The following SPTA1 variants were observed in gnomAD, a reference collection of about 807,000 sequenced individuals.
SPTA1 encodes spectrin alpha chain, erythrocytic 1.
A neutral mutation model predicts 324.7 loss-of-function variants in SPTA1; 177 were observed. The observed-to-expected ratio is 0.55, with a 90% CI of 0.48 to 0.62. SPTA1 has a LOEUF of 0.62. Ranked by LOEUF, SPTA1 falls within the 20% of genes least tolerant of loss-of-function variation. SPTA1 has a pLI of 0.00. For synonymous variants in SPTA1, 1,195 were observed against 1,041.3 expected (o/e 1.15, Z -2.84); for missense variants, 3,162 against 2,883.6 (o/e 1.10, Z -2.21).
rs184713193 is a variant in SPTA1, at chr1:158,684,434, T to C, written c.264+674A>G. Among the ~76,000 whole-genome samples the C allele has an allele frequency of 2.6e-5, 4 of 152,264 alleles. No individual in the cohort carries two copies. In the East Asian group the frequency reaches 5.8e-4, roughly 22 times the overall value. Reference sequence around the variant, plus strand: ...AAAATATCAAAAATCACATGGTTTGTCAGAAATTTCTTGAATTTGCAGTTG... The same window carrying C: ...AAAATATCAAAAATCACATGGTTTGCCAGAAATTTCTTGAATTTGCAGTTG... On this transcript the variant is annotated intron_variant, in intron 2 of 51. Transcript: ENST00000643759.
In SPTA1 at chr1:158,676,258, A is replaced by T. The variant is rs775425801; in HGVS notation, c.995T>A (p.Leu332His). The change falls in exon 8 of 52, where the codon CTT becomes CAT. Residue 332 changes from leucine (L) to histidine (H), a missense_variant. Leu to His is a moderately conservative substitution (Grantham distance 99). Transcript: ENST00000643759. ...ELCAKAEKLTLSHPSDAPQIQ... is the reference protein window; with the variant it reads ...ELCAKAEKLTHSHPSDAPQIQ... ...CTGAGGTGCATCTGAAGGATGGGAA[A>T]GTGTCAGCTTCTCTGCTTTAGCACA... 6 of 1,613,788 alleles carry T rather than the reference A, an allele frequency of 3.7e-6. No individual in the cohort carries two copies. The highest frequency in any genetic ancestry group is 2.2e-5 in the South Asian group (2 of 91,070).
At chr1:158,642,306 T>C (rs1651657133) in intron 33 of SPTA1, 105 bp downstream of exon 33, 2 of 1,219,056 alleles carry the variant, frequency 1.6e-6, no homozygotes, top group African/African-American at 1.6e-5. Context: ...ACTTAAAGTA[T>C]AATAATAATA....
Position 158,647,703 on chromosome 1 carries a change from C to T in SPTA1, c.3732G>A (p.Glu1244=), listed in dbSNP as rs371537374. ...PLGDKVTILG[E]TAERLSESHP... ...GGGACTCACTGAGCCGCTCTGCTGT[C>T]TCCCCCAGTATGGTCACCTGGGGAG... is the stretch of plus-strand genomic sequence containing the variant. Residue 1244 remains glutamate, a synonymous_variant, in exon 27 of 52, where the codon GAG becomes GAA. Transcript: ENST00000643759. 6.2e-7 allele frequency: 1 copy of T among 1,613,912 alleles called. No homozygotes were observed. The highest frequency in any genetic ancestry group is 1.7e-5 in the Admixed American group (1 of 59,974).
intron 33 of SPTA1, 70 bp downstream of exon 33, chr1:158,642,340 TA>T (rs560941981): frequency 3.2e-4 from 461 of 1,457,526 alleles, no homozygotes; most frequent in Admixed American, 4.8e-4. Context: ...TACAATAAAT[TA>T]AAAAAAAAGA....
At position 158,666,323 on chromosome 1, in the gene SPTA1, G is replaced by A; in HGVS notation, c.2213C>T (p.Ala738Val). Residue 738 changes from alanine to valine, a missense_variant, in exon 16 of 52, where the codon GCT becomes GTT. Ala to Val is a moderately conservative substitution (Grantham distance 64). Coordinates refer to ENST00000643759, the MANE Select transcript of SPTA1 (RefSeq NM_003126.4). ...KHGLLESAVA[A>V]RQDQVDILTD... is the part of the protein sequence containing the mutation. ...AAAGAGCTAACAACAAACCTGACGAGCAGCCACAGCCGACTCCAGGAGGCC... is the reference window on the plus strand; with the variant it reads ...AAAGAGCTAACAACAAACCTGACGAACAGCCACAGCCGACTCCAGGAGGCC... 5.0e-6 allele frequency: 8 copies of A among 1,613,420 alleles called. No homozygotes were observed. Among genetic ancestry groups the A allele is most frequent in the Non-Finnish European group, 6.8e-6 (8 of 1,179,914 alleles).
At chr1:158,669,131 T>G (rs1653816017) in intron 14 of SPTA1, among the ~76,000 whole-genome samples, 1 of 152,136 alleles carries the variant, frequency 6.6e-6, no homozygotes, top group Non-Finnish European at 1.5e-5. Flanking sequence ...ATAAGGAACA[T>G]TCCCTACCTT....
At chr1:158,638,683 G>T (rs1651284668) in intron 35 of SPTA1, among the ~76,000 whole-genome samples, 1 of 147,650 alleles carries the variant, frequency 6.8e-6, no homozygotes, top group South Asian at 2.1e-4. Flanking sequence ...GGGCATGCTG[G>T]CGTGTGCCTG....
At chr1:158,668,265 G>C (rs1009458146) in intron 14 of SPTA1, among the ~76,000 whole-genome samples, 2 of 152,102 alleles carry the variant, frequency 1.3e-5, no homozygotes, top group African/African-American at 4.8e-5. Context: ...GGCGAACTAA[G>C]CTGGCAATTT....
chr1:158,632,093 C>T (rs6678873), intron 39 of SPTA1, among the ~76,000 whole-genome samples: 40,813 of 151,964 alleles, frequency 0.27, 5,641 homozygotes, highest in Middle Eastern at 0.33. Flanking sequence ...TATATTCATT[C>T]AATAAAATAC....
At chr1:158,648,675 A>G in intron 25 of SPTA1, 22 bp from the exon 26 acceptor site, 1 of 1,612,746 alleles carries the variant, frequency 6.2e-7, no homozygotes, top group Non-Finnish European at 8.5e-7. Context: ...GAGAGTAGAG[A>G]GTTCAAAAGT....
intron 42 of SPTA1, among the ~76,000 whole-genome samples, chr1:158,625,669 C>A (rs1265676815): frequency 2.0e-5 from 3 of 150,658 alleles, no homozygotes; most frequent in Admixed American, 1.3e-4. Context: ...TAAGAAATTT[C>A]AAAAAAAATT....
At chr1:158,681,305 C>T (rs530123980) in intron 4 of SPTA1, among the ~76,000 whole-genome samples, 4 of 152,152 alleles carry the variant, frequency 2.6e-5, no homozygotes, top group African/African-American at 7.2e-5. Flanking sequence ...TTGTGTAAGT[C>T]TTGCCTTTTT....
chr1:158,658,404 G>A (rs1200580283), intron 18 of SPTA1, among the ~76,000 whole-genome samples: 1 of 152,176 alleles, frequency 6.6e-6, no homozygotes, highest in Non-Finnish European at 1.5e-5. Context: ...ATGCACACAT[G>A]TATAAGGAAA....
chr1:158,672,415 G>A lies in SPTA1; in HGVS notation c.1351-219C>T, dbSNP rs541169918. 2.0e-5 allele frequency among the ~76,000 whole-genome samples: 3 copies of A among 152,226 alleles called. No individual in the cohort carries two copies. The South Asian group carries it at 6.2e-4, about 32-fold the overall frequency. On this transcript the variant is annotated intron_variant, in intron 10 of 51. Coordinates refer to ENST00000643759, the MANE Select transcript of SPTA1 (RefSeq NM_003126.4). Reference sequence around the variant, plus strand: ...ACTATATGTATAAGGAAATGAAAAAGACTAATTCTAATTAAGAGAGCCAGG... The same window carrying A: ...ACTATATGTATAAGGAAATGAAAAAAACTAATTCTAATTAAGAGAGCCAGG...
chr1:158,619,205 G>A lies in SPTA1; in HGVS notation c.6530+17C>T, dbSNP rs1571377303. On this transcript the variant is annotated intron_variant, in intron 45 of 51. Transcript: ENST00000643759. ...TGGTGGCACAGGGGTCATGGTTTGG[G>A]ATGTAGCATAGCACACCTGGTTTCC... 1.9e-6 allele frequency: 3 copies of A among 1,609,476 alleles called. No homozygotes were observed. Among genetic ancestry groups the A allele is most frequent in the East Asian group, 2.2e-5 (1 of 44,844 alleles).
At chr1:158,658,064 T>C (rs1652950626) in intron 18 of SPTA1, among the ~76,000 whole-genome samples, 1 of 152,198 alleles carries the variant, frequency 6.6e-6, no homozygotes, top group African/African-American at 2.4e-5. Flanking sequence ...AGAGTTGCTC[T>C]TCCACCCTAA....
Position 158,611,153 on chromosome 1 carries a change from A to C in SPTA1, c.*111T>G. ...CAAGCACACACACACACACACACAC[A>C]CACACACACACACGAGGCCATCTTT... On this transcript the variant is annotated 3_prime_UTR_variant, in exon 52 of 52. Transcript: ENST00000643759. The C allele has an allele frequency of 1.5e-6, 2 of 1,329,696 alleles. No homozygotes were observed. Among genetic ancestry groups the C allele is most frequent in the Non-Finnish European group, 1.1e-6 (1 of 932,148 alleles). 82.4% of individuals were successfully genotyped at this position (1,329,696 alleles called of 1,614,324 possible).
intron 33 of SPTA1, among the ~76,000 whole-genome samples, chr1:158,641,849 A>G (rs566952208): frequency 1.2e-4 from 18 of 152,336 alleles, no homozygotes; most frequent in Admixed American, 6.5e-4. Context: ...TGCTATAAAG[A>G]CACATGCACA....
intron 30 of SPTA1, 55 bp from the exon 31 acceptor site, chr1:158,643,480 A>G (rs1651767667): frequency 1.3e-6 from 2 of 1,497,240 alleles, no homozygotes; most frequent in Non-Finnish European, 1.9e-6. Context: ...CTCTTGGTGC[A>G]ATCCCAGACT....
Sources: gnomAD v4.1 joint callset for allele counts (sites outside exome capture counted in the v4.1 genomes callset) on GRCh38, gnomAD v4.1.1 for gene constraint, MANE v1.5 for transcripts, NCBI Gene and HGNC (gene_info 2026-07-23, HGNC 2026-07-21) for gene names.